Variants in DNM1 observed in about 807,000 individuals in gnomAD.
The protein encoded by DNM1 is dynamin 1.
Under a neutral mutation model 104.6 loss-of-function variants are expected in DNM1, and 29 were observed. The ratio of observed to expected loss-of-function variants is 0.28; its 90% CI spans 0.21 to 0.38. DNM1 has a LOEUF of 0.38. Among genes scored for constraint, DNM1 ranks in the 10% least tolerant of loss-of-function variants. The pLI is 1.00. For missense variants in DNM1, 640 were observed against 1,189.4 expected (o/e 0.54, Z 6.79); for synonymous variants, 445 against 475.8 (o/e 0.94, Z 0.84).
At chr9:128,231,601 C>T (rs1835699317) in intron 10 of DNM1, among the ~76,000 whole-genome samples, 1 of 152,112 alleles carries the variant, frequency 6.6e-6, no homozygotes, top group Non-Finnish European at 1.5e-5. Context: ...TTCCTCCCCT[C>T]GAGTTTTCTA....
rs960248091 is a variant in DNM1, at chr9:128,224,571, G to A, written c.1335+182G>A. On this transcript the variant is annotated intron_variant, in intron 10 of 21. Coordinates refer to ENST00000372923, the MANE Select transcript of DNM1 (RefSeq NM_004408.4). This position sits in a 1 kb window ranked among gnomAD's most constrained non-coding sequence, Gnocchi z 4.3. ...CTCTGAGAGGGCCTCACCCACCCCT[G>A]GCCCCCAGGTCTGGGGACCCAGGGA... Among the ~76,000 whole-genome samples, 3 of 152,050 alleles carry A rather than the reference G, an allele frequency of 2.0e-5. No individual in the cohort carries two copies. The highest frequency in any genetic ancestry group is 6.5e-5 in the Admixed American group (1 of 15,268).
Position 128,222,979 on chromosome 9 carries a change from C to A in DNM1, c.1196+119C>A. The stretch of plus-strand genomic sequence containing the variant: ...AGGACTGAAAGCTCTGTTCCCCAGT[C>A]CTCTCGACCCCAACTTTCTGGCTCC... On this transcript the variant is annotated intron_variant, in intron 9 of 21. Transcript: ENST00000372923. The surrounding 1 kb of genome is among the most constrained non-coding windows in gnomAD (Gnocchi z 7.8). 1 of 985,518 alleles carries A rather than the reference C, an allele frequency of 1.0e-6. No individual in the cohort carries two copies. The highest frequency in any genetic ancestry group is 1.5e-6 in the Non-Finnish European group (1 of 652,674). The allele number at this position is 985,518 out of a possible 1,614,324, so 61.0% of individuals were successfully genotyped here.
At chr9:128,233,253 C>T (rs1018273187) in intron 10 of DNM1, among the ~76,000 whole-genome samples, 6 of 152,260 alleles carry the variant, frequency 3.9e-5, no homozygotes, top group Admixed American at 1.3e-4. Context: ...TGGCCAGAGC[C>T]GGGCAGATGT....
At chr9:128,211,843 G>C (rs551134361) in intron 1 of DNM1, among the ~76,000 whole-genome samples, 10 of 152,348 alleles carry the variant, frequency 6.6e-5, no homozygotes, top group Non-Finnish European at 1.2e-4. Context: ...AAGCTGTAGA[G>C]GAAGAAAGAA....
rs1037991628 is a variant in DNM1 at position 128,247,105 on chromosome 9, G to C, written c.1782-270G>C. On this transcript the variant is annotated intron_variant, in intron 16 of 21. Transcript: ENST00000372923. The surrounding 1 kb of genome is among the most constrained non-coding windows in gnomAD (Gnocchi z 5.1). ...CCAAGCTAGAGACTTCACTGACTATGGTTGTCCTCTTGTCAAAGGTCCAGT... is the reference window on the plus strand; with the variant it reads ...CCAAGCTAGAGACTTCACTGACTATCGTTGTCCTCTTGTCAAAGGTCCAGT... 1 of 340,050 alleles carries C rather than the reference G, an allele frequency of 2.9e-6. No individual in the cohort carries two copies. The highest frequency in any genetic ancestry group is 2.1e-5 in the African/African-American group (1 of 48,448). The allele number at this position is 340,050 out of a possible 1,614,324, so 21.1% of individuals were successfully genotyped here. A position where few individuals can be genotyped will look rare whatever the true frequency, so the allele number is the denominator to read the frequency against.
chr9:128,227,009 C>CTTTTTTT (rs369464140), intron 10 of DNM1, among the ~76,000 whole-genome samples: 24 of 101,766 alleles, frequency 2.4e-4, no homozygotes, highest in East Asian at 6.7e-4. Context: ...ATCTCCATTC[C>CTTTTTTT]TTTTTTTTTT....
chr9:128,225,926 G>T (rs1028139532), intron 10 of DNM1: 6 of 923,180 alleles, frequency 6.5e-6, no homozygotes, highest in Non-Finnish European at 1.0e-5. Context: ...CCCCGTGCCC[G>T]TGCCATCCTC....
chr9:128,252,607 C>T (rs968658179), intron 21 of DNM1: 2 of 397,762 alleles, frequency 5.0e-6, no homozygotes, highest in African/African-American at 4.1e-5. Flanking sequence ...AGGTGGAGAA[C>T]CTTCAAAGTC....
rs2131314418 is a variant in DNM1 at position 128,254,703 on chromosome 9, T to G, written c.2584T>G (p.Phe862Val). The G allele has an allele frequency of 1.3e-6, 2 of 1,596,100 alleles. No homozygotes were observed. The highest frequency in any genetic ancestry group is 1.7e-6 in the Non-Finnish European group (2 of 1,179,594). Residue 862 changes from phenylalanine (F) to valine (V), a missense_variant, in exon 22 of 22, where the codon TTC (phenylalanine) becomes GTC (valine). Phe to Val is a conservative substitution (Grantham distance 50). Around this residue, in one of 7 missense-constraint regions of DNM1, gnomAD observed 37 missense variants for 35.6 expected, o/e 1.04. Coordinates refer to ENST00000372923, the MANE Select transcript of DNM1 (RefSeq NM_004408.4). This position sits in a 1 kb window ranked among gnomAD's most constrained non-coding sequence, Gnocchi z 6.1. ...CCGTCCTGAGAGCCCCAGGCCCCCC[T>G]TCGACCTCTAAACAGATCCCTCCTC... The part of the protein sequence containing the change: ...PSRPESPRPP[F>V]DL
Position 128,203,456 on chromosome 9 carries a change from G to T in DNM1, c.-15G>T, listed in dbSNP as rs376941388. The T allele has an allele frequency of 1.0e-4, 151 of 1,468,936 alleles. 1 individual carries two copies. In the African/African-American group the frequency reaches 2.0e-3, roughly 20 times the overall value. 91.0% of individuals were successfully genotyped at this position (1,468,936 alleles called of 1,614,324 possible). A position where few individuals can be genotyped will look rare whatever the true frequency, so the allele number is the denominator to read the frequency against. ...AGCGGCAGCCGGATCGCAGCCTGCG[G>T]GGCCCGCCGCAGCCATGGGCAACCG... On this transcript the variant is annotated 5_prime_UTR_variant, in exon 1 of 22. Coordinates refer to ENST00000372923, the MANE Select transcript of DNM1 (RefSeq NM_004408.4). This position sits in a 1 kb window ranked among gnomAD's most constrained non-coding sequence, Gnocchi z 5.3.
At chr9:128,205,132 A>T (rs1833850535) in intron 1 of DNM1, among the ~76,000 whole-genome samples, 1 of 152,098 alleles carries the variant, frequency 6.6e-6, no homozygotes, top group Non-Finnish European at 1.5e-5. Context: ...CCCCCTTCTG[A>T]TCACATGACC....
chr9:128,206,115 C>T (rs907879329), intron 1 of DNM1, among the ~76,000 whole-genome samples: 1 of 152,164 alleles, frequency 6.6e-6, no homozygotes, highest in South Asian at 2.1e-4. Flanking sequence ...CTCCTGACCT[C>T]TCCAACAGGG....
In DNM1 at chr9:128,254,660, G is replaced by A. The variant is rs545142847; in HGVS notation, c.2541G>A (p.Ser847=). 8.6e-5 allele frequency: 137 copies of A among 1,595,998 alleles called. No homozygotes were observed. The East Asian group carries it at 2.5e-3, about 29-fold the overall frequency. Residue 847 remains serine, a synonymous_variant, in exon 22 of 22, where the codon TCG becomes TCA. Coordinates refer to ENST00000372923, the MANE Select transcript of DNM1 (RefSeq NM_004408.4). The surrounding 1 kb of genome is among the most constrained non-coding windows in gnomAD (Gnocchi z 6.1). ...CTTTCTCTCCAACTGCCAGCCGATCGGGTCAGGCAAGTCCATCCCGTCCTG... is the reference window on the plus strand; with the variant it reads ...CTTTCTCTCCAACTGCCAGCCGATCAGGTCAGGCAAGTCCATCCCGTCCTG... ...NRAPPGVPSR[S]GQASPSRPES...
rs1834723377 is a variant in DNM1 at position 128,218,127 on chromosome 9, A to G, written c.162-104A>G. On this transcript the variant is annotated intron_variant, in intron 1 of 21. Transcript: ENST00000372923. This position sits in a 1 kb window ranked among gnomAD's most constrained non-coding sequence, Gnocchi z 4.8. The stretch of plus-strand genomic sequence containing the variant: ...TGGGCTAAGGAGCGGTGGAGCCAGC[A>G]CTTTGGAAGGAGCTTTGGCTTTCCC... The G allele has an allele frequency of 9.2e-6, 10 of 1,082,262 alleles. No homozygotes were observed. The highest frequency in any genetic ancestry group is 1.3e-5 in the Non-Finnish European group (9 of 695,736). 67.0% of individuals were successfully genotyped at this position (1,082,262 alleles called of 1,614,324 possible). A position where few individuals can be genotyped will look rare whatever the true frequency, so the allele number is the denominator to read the frequency against.
chr9:128,235,493 C>CAA (rs1273191948), intron 11 of DNM1, among the ~76,000 whole-genome samples: 2 of 112,256 alleles, frequency 1.8e-5, no homozygotes, highest in African/African-American at 3.3e-5. Context: ...GACTCCGTCT[C>CAA]AAAAAAAAAA....
chr9:128,224,805 G>C lies in DNM1; in HGVS notation c.1335+416G>C, dbSNP rs775603358. ...GCAGGGCCTTCTCGGGCACTGCTCG[G>C]TGGGCCTGGGTGGCCAGAGGGGGTG... On this transcript the variant is annotated intron_variant, in intron 10 of 21. Transcript: ENST00000372923. The surrounding 1 kb of genome is among the most constrained non-coding windows in gnomAD (Gnocchi z 4.3). Among the ~76,000 whole-genome samples the C allele has an allele frequency of 6.6e-6, 1 of 152,188 alleles. No individual in the cohort carries two copies. The highest frequency in any genetic ancestry group is 1.5e-5 in the Non-Finnish European group (1 of 68,028).
At chr9:128,211,392 C>T (rs901679255) in intron 1 of DNM1, among the ~76,000 whole-genome samples, 1 of 150,968 alleles carries the variant, frequency 6.6e-6, no homozygotes, top group Non-Finnish European at 1.5e-5. Flanking sequence ...TATTACAGTG[C>T]GTGGGAAAAA....
In DNM1 at chr9:128,248,707, T is replaced by C; in HGVS notation, c.2030T>C (p.Val677Ala). ...TACATGGCCATTGTCAACAAGACCG[T>C]GAGGGACCTCATGCCCAAGACCATC... Reference protein sequence around the residue: ...DSYMAIVNKTVRDLMPKTIMH... With the variant: ...DSYMAIVNKTARDLMPKTIMH... The change falls in exon 19 of 22, where the codon GTG (valine) becomes GCG (alanine). Residue 677 changes from valine to alanine, a missense_variant. Physicochemically the swap from Val to Ala is moderately conservative, Grantham distance 64. Around this residue, in one of 7 missense-constraint regions of DNM1, gnomAD observed 91 missense variants for 256.3 expected, o/e 0.36. Coordinates refer to ENST00000372923, the MANE Select transcript of DNM1 (RefSeq NM_004408.4). The surrounding 1 kb of genome is among the most constrained non-coding windows in gnomAD (Gnocchi z 5.6). 1 of 1,613,918 alleles carries C rather than the reference T, an allele frequency of 6.2e-7. No homozygotes were observed. The highest frequency in any genetic ancestry group is 1.1e-5 in the South Asian group (1 of 91,076).
At chr9:128,252,479 G>C in intron 21 of DNM1, 1 of 399,498 alleles carries the variant, frequency 2.5e-6, no homozygotes, top group South Asian at 1.9e-5. Flanking sequence ...GAGGGTATCT[G>C]GGCCAAGAGC....
Sources: gnomAD v4.1 joint callset for allele counts (sites outside exome capture counted in the v4.1 genomes callset) on GRCh38, gnomAD v4.1.1 for gene constraint, gnomAD v4.1.1 regional missense constraint, Gnocchi (gnomAD v3.1) non-coding constraint, MANE v1.5 for transcripts, NCBI Gene and HGNC (gene_info 2026-07-23, HGNC 2026-07-21) for gene names.